ADGRL2: variants seen among roughly 807,000 people sequenced by gnomAD.
The protein encoded by ADGRL2 is calcium-independent alpha-latrotoxin receptor 2.
ADGRL2 carries 44 observed loss-of-function variants against 157.4 expected under a neutral mutation model. The ratio of observed to expected loss-of-function variants is 0.28; its 90% CI spans 0.22 to 0.36. The LOEUF is 0.36. ADGRL2 is among the 10% of genes least tolerant of loss of function. ADGRL2 has a pLI of 1.00. For synonymous variants in ADGRL2, 585 were observed against 624.7 expected, an observed-to-expected ratio of 0.94 and a Z score of 0.95; for missense variants, 1,510 against 1,768.9, an observed-to-expected ratio of 0.85 and a Z score of 2.63.
At chr1:81,471,016 TCTGTTTCCTCA>T (rs1379568014) in intron 2 of ADGRL2, among the ~76,000 whole-genome samples, 5 of 152,194 alleles carry the variant, frequency 3.3e-5, no homozygotes, top group African/African-American at 1.2e-4. Context: ...CCTCTCATAG[TCTGTTTCCTCA>T]CTGGTAACAG....
chr1:81,543,008 CTT>C (rs199767965), intron 2 of ADGRL2, among the ~76,000 whole-genome samples: 41 of 134,542 alleles, frequency 3.0e-4, no homozygotes, highest in East Asian at 6.4e-4. Context: ...TTTTATCTTG[CTT>C]TTTTTTTTTT....
At chr1:81,824,804 G>A (rs1384148727) in intron 1 of ADGRL2, among the ~76,000 whole-genome samples, 1 of 152,084 alleles carries the variant, frequency 6.6e-6, no homozygotes, top group Non-Finnish European at 1.5e-5. Context: ...TTTTCTATGT[G>A]AATAAAAAAT....
chr1:81,701,872 C>A (rs1294385252), intron 1 of ADGRL2, among the ~76,000 whole-genome samples: 1 of 152,190 alleles, frequency 6.6e-6, no homozygotes, highest in Admixed American at 6.5e-5. Flanking sequence ...CAGGAAGGAA[C>A]CTACGTCAGT....
chr1:81,370,378 CTGTT>C (rs981676560), intron 1 of ADGRL2, among the ~76,000 whole-genome samples: 33 of 152,118 alleles, frequency 2.2e-4, no homozygotes, highest in South Asian at 4.1e-4. Context: ...AAATAGTACA[CTGTT>C]TGTTGCTAAC....
At chr1:81,818,104 A>C (rs189430713) in intron 1 of ADGRL2, among the ~76,000 whole-genome samples, 1 of 152,168 alleles carries the variant, frequency 6.6e-6, no homozygotes, top group Non-Finnish European at 1.5e-5. Flanking sequence ...CATGAGTACG[A>C]GGCTGCATTG....
chr1:81,581,307 T>A (rs1234674086), intron 3 of ADGRL2, among the ~76,000 whole-genome samples: 1 of 152,230 alleles, frequency 6.6e-6, no homozygotes, highest in Admixed American at 6.5e-5. Flanking sequence ...TATGGTGTTT[T>A]CATCCTTCAA....
chr1:81,958,086 T>C (rs1210907530), intron 11 of ADGRL2, among the ~76,000 whole-genome samples: 1 of 151,756 alleles, frequency 6.6e-6, no homozygotes, highest in Non-Finnish European at 1.5e-5. Flanking sequence ...CCAAACCCAG[T>C]CTCTACTAAA....
rs563520867 is a variant in ADGRL2 at position 81,862,082 on chromosome 1, T to A, written c.73+25025T>A. On this transcript the variant is annotated intron_variant, in intron 2 of 23. Transcript: ENST00000686636. The stretch of plus-strand genomic sequence containing the variant: ...CGTTTACGCTGGAATTTTGTTTTGC[T>A]TGCTGAAGTTAAAACAAGCAAAATT... Among the ~76,000 whole-genome samples the A allele has an allele frequency of 4.2e-4, 64 of 152,228 alleles. 1 individual carries two copies. In the South Asian group the frequency reaches 0.013, roughly 30 times the overall value.
intron 2 of ADGRL2, among the ~76,000 whole-genome samples, chr1:81,777,216 C>T (rs569252569): frequency 6.6e-6 from 1 of 152,016 alleles, no homozygotes; most frequent in Non-Finnish European, 1.5e-5. Context: ...AGATTATATT[C>T]TCCATTATTC....
intron 1 of ADGRL2, among the ~76,000 whole-genome samples, chr1:81,418,320 T>C (rs894798898): frequency 1.1e-4 from 17 of 152,348 alleles, no homozygotes; most frequent in Non-Finnish European, 2.5e-4. Flanking sequence ...TAATAAAATT[T>C]TGTGGCAAAA....
chr1:81,859,443 G>A (rs1368996087), intron 2 of ADGRL2, among the ~76,000 whole-genome samples: 2 of 120,466 alleles, frequency 1.7e-5, no homozygotes, highest in Non-Finnish European at 3.3e-5. Flanking sequence ...GTCTTGCTCT[G>A]TGGCCCAGGC....
intron 1 of ADGRL2, among the ~76,000 whole-genome samples, chr1:81,816,685 G>T (rs908038938): frequency 6.6e-6 from 1 of 151,808 alleles, no homozygotes; most frequent in Non-Finnish European, 1.5e-5. Flanking sequence ...TAGTTAAAAA[G>T]ATGTTTACAG....
intron 2 of ADGRL2, among the ~76,000 whole-genome samples, chr1:81,779,712 C>A (rs1418964915): frequency 6.6e-6 from 1 of 152,190 alleles, no homozygotes; most frequent in Non-Finnish European, 1.5e-5. Context: ...TCATTAGAAT[C>A]ATTTGTGTTT....
chr1:81,950,215 T>G lies in ADGRL2; in HGVS notation c.1237T>G (p.Ser413Ala). The G allele has an allele frequency of 6.2e-7, 1 of 1,613,942 alleles. No individual in the cohort carries two copies. The highest frequency in any genetic ancestry group is 1.1e-5 in the South Asian group (1 of 91,078). Residue 413 changes from serine to alanine, a missense_variant, in exon 7 of 24, where the codon TCT (serine) becomes GCT (alanine). Physicochemically the swap from Ser to Ala is moderately conservative, Grantham distance 99 (BLOSUM62 1). Coordinates refer to ENST00000686636, the MANE Select transcript of ADGRL2 (RefSeq NM_001366006.2). ...QVPTTAVTIT[S>A]SAELFKTIIS... The stretch of plus-strand genomic sequence containing the variant: ...GCCTACCACAGCTGTGACAATAACT[T>G]CTTCAGCTGAGCTGTTCAAAACCAT...
At chr1:81,555,891 C>A (rs2080263318) in intron 2 of ADGRL2, among the ~76,000 whole-genome samples, 1 of 152,090 alleles carries the variant, frequency 6.6e-6, no homozygotes, top group Non-Finnish European at 1.5e-5. Context: ...CTCACTTATG[C>A]CCCCATTGTC....
intron 3 of ADGRL2, among the ~76,000 whole-genome samples, chr1:81,602,825 G>T (rs112620379): frequency 0.13 from 18,862 of 149,864 alleles, 1,620 homozygotes; most frequent in Non-Finnish European, 0.18. Flanking sequence ...TTGAACCCAG[G>T]AGACAGAGGT....
intron 1 of ADGRL2, among the ~76,000 whole-genome samples, chr1:81,725,941 C>G (rs2084511335): frequency 6.6e-6 from 1 of 152,110 alleles, no homozygotes; most frequent in Admixed American, 6.5e-5. Context: ...CGAGATGGCT[C>G]CACTGCACTC....
At chr1:81,337,259 T>C (rs1424834177) in intron 1 of ADGRL2, among the ~76,000 whole-genome samples, 2 of 152,202 alleles carry the variant, frequency 1.3e-5, no homozygotes, top group Non-Finnish European at 2.9e-5. Flanking sequence ...CACACTGAGC[T>C]GTTAAACGCG....
At chr1:81,837,642 A>G (rs2092349918) in intron 2 of ADGRL2, among the ~76,000 whole-genome samples, 1 of 152,004 alleles carries the variant, frequency 6.6e-6, no homozygotes, top group South Asian at 2.1e-4. Flanking sequence ...TGCATTAAAC[A>G]TTTTTAAAAT....
Sources: allele counts gnomAD v4.1 joint callset (sites outside exome capture counted in the v4.1 genomes callset), GRCh38; gene constraint gnomAD v4.1.1; transcripts MANE v1.5; gene names NCBI Gene and HGNC (gene_info 2026-07-23, HGNC 2026-07-21).